SLC6A12: variants seen among roughly 807,000 people sequenced by gnomAD.
The protein encoded by SLC6A12 is solute carrier family 6 member 12.
A neutral mutation model predicts 73.3 loss-of-function variants in SLC6A12; 50 were observed. That is an observed-to-expected ratio of 0.68 (90% CI 0.54 to 0.86). SLC6A12 has a LOEUF of 0.86. Ranked by LOEUF, SLC6A12 falls within the 40% of genes least tolerant of loss-of-function variation. The probability of loss-of-function intolerance (pLI) is 0.00; values close to 1 mark genes in which losing one functional copy is unlikely to be tolerated. For synonymous variants in SLC6A12, 304 were observed against 309.2 expected (o/e 0.98, Z 0.18); for missense variants, 648 against 772.8 (o/e 0.84, Z 1.92).
rs530891377 is a variant in SLC6A12 at position 198,320 on chromosome 12, C to T, written c.847-317G>A. ...CTATCTGCAGGGCACAGCCAGAAGTCACTTGTCTCATTCAACTAAGATCTC... is the reference window on the plus strand; with the variant it reads ...CTATCTGCAGGGCACAGCCAGAAGTTACTTGTCTCATTCAACTAAGATCTC... On this transcript the variant is annotated intron_variant, in intron 8 of 15. Coordinates refer to ENST00000684302, the MANE Select transcript of SLC6A12 (RefSeq NM_001122848.3). The surrounding 1 kb of genome is among the most constrained non-coding windows in gnomAD (Gnocchi z 4.0). 6.6e-6 allele frequency among the ~76,000 whole-genome samples: 1 copy of T among 152,360 alleles called. No individual in the cohort carries two copies. Among genetic ancestry groups the T allele is most frequent in the African/African-American group, 2.4e-5 (1 of 41,582 alleles).
chr12:209,701 G>A lies in SLC6A12; in HGVS notation c.214+72C>T. The A allele has an allele frequency of 4.6e-6, 7 of 1,535,734 alleles. No individual in the cohort carries two copies. The Admixed American group carries it at 5.0e-5, about 11-fold the overall frequency. ...TATAAACCACACTGCCCAGGAAGGAGGGCCCAGGTAGGCACTGCCCAGCTG... is the reference window on the plus strand; with the variant it reads ...TATAAACCACACTGCCCAGGAAGGAAGGCCCAGGTAGGCACTGCCCAGCTG... On this transcript the variant is annotated intron_variant, in intron 3 of 15. Transcript: ENST00000684302.
chr12:189,887 G>C (rs1939521921), downstream of SLC6A12, among the ~76,000 whole-genome samples: 1 of 152,186 alleles, frequency 6.6e-6, no homozygotes, highest in South Asian at 2.1e-4. Flanking sequence ...GGGAATAAGA[G>C]GTGGCAAGGA....
chr12:196,771 T>C lies in SLC6A12; in HGVS notation c.1187A>G (p.Gln396Arg). ...IMLIFLGLDS[Q>R]FVCVECLVTA... Reference sequence around the variant, plus strand: ...GCAGGCTGGGCTGCAGTGACGTACCTGGCTGTCCAGCCCTAGGAATATGAG... The same window carrying C: ...GCAGGCTGGGCTGCAGTGACGTACCCGGCTGTCCAGCCCTAGGAATATGAG... The change falls in exon 11 of 16, where the codon CAG becomes CGG. Residue 396 changes from glutamine (Q) to arginine (R), a missense_variant and splice_region_variant. By Grantham distance (43) the Gln-to-Arg change is conservative. Transcript: ENST00000684302. 6.2e-7 allele frequency: 1 copy of C among 1,607,732 alleles called. No individual in the cohort carries two copies. Among genetic ancestry groups the C allele is most frequent in the Non-Finnish European group, 8.5e-7 (1 of 1,174,652 alleles).
Sources: gnomAD v4.1 joint callset for allele counts (sites outside exome capture counted in the v4.1 genomes callset) on GRCh38, gnomAD v4.1.1 for gene constraint, Gnocchi (gnomAD v3.1) non-coding constraint, MANE v1.5 for transcripts, NCBI Gene and HGNC (gene_info 2026-07-23, HGNC 2026-07-21) for gene names.